EFNA5: variants seen among roughly 807,000 people sequenced by gnomAD.
The protein encoded by EFNA5 is ephrin A5, also known as ephrin-A5.
In EFNA5, 5 loss-of-function variants were observed where a neutral mutation model predicts 22.9. The ratio of observed to expected loss-of-function variants is 0.22; its 90% CI spans 0.11 to 0.46. The LOEUF (loss-of-function observed/expected upper bound fraction) is 0.46. Ranked by LOEUF, EFNA5 falls within the 20% of genes least tolerant of loss-of-function variation. The pLI is 0.99. For missense variants in EFNA5, 237 were observed against 293.3 expected (o/e 0.81, Z 1.40); for synonymous variants, 113 against 112.2 (o/e 1.01, Z -0.04).
Position 107,559,813 on chromosome 5 carries a change from C to T in EFNA5, c.125+110676G>A, listed in dbSNP as rs544171556. Among the ~76,000 whole-genome samples the T allele has an allele frequency of 1.6e-4, 24 of 152,250 alleles. No homozygotes were observed. In the South Asian group the frequency reaches 4.1e-3, roughly 26 times the overall value. On this transcript the variant is annotated intron_variant, in intron 1 of 4. Coordinates refer to ENST00000333274, the MANE Select transcript of EFNA5 (RefSeq NM_001962.3). ...TAAACATTAAAATACACACTGATGC[C>T]TCTAGAAGAGCAATTATCCTTTGGG... is the stretch of plus-strand genomic sequence containing the variant.
rs1163137461 is a variant in EFNA5 at position 107,377,067 on chromosome 5, A to C, written c.*4188T>G. ...AGCACTCGATGAGTAAGTGCAAAGG[A>C]ACTGCAAAGCAGGGCAGTACAAGCA... On this transcript the variant is annotated 3_prime_UTR_variant, in exon 5 of 5. Transcript: ENST00000333274. 2.0e-5 allele frequency: 3 copies of C among 152,046 alleles called. No homozygotes were observed. The highest frequency in any genetic ancestry group is 7.2e-5 in the African/African-American group (3 of 41,388). 9.4% of individuals were successfully genotyped at this position (152,046 alleles called of 1,614,324 possible).
chr5:107,527,900 C>G (rs1747730044), intron 1 of EFNA5, among the ~76,000 whole-genome samples: 1 of 152,134 alleles, frequency 6.6e-6, no homozygotes. Flanking sequence ...TCCTCCCCCT[C>G]AGTACATGAA....
At chr5:107,485,960 T>C (rs1227459018) in intron 1 of EFNA5, among the ~76,000 whole-genome samples, 1 of 152,176 alleles carries the variant, frequency 6.6e-6, no homozygotes, top group Non-Finnish European at 1.5e-5. Context: ...GAGCACGGCA[T>C]ATTTAGATGC....
At chr5:107,439,649 C>G (rs968655044) in intron 1 of EFNA5, among the ~76,000 whole-genome samples, 22 of 152,160 alleles carry the variant, frequency 1.4e-4, no homozygotes, top group Admixed American at 1.2e-3. Context: ...CAAATGGCTG[C>G]TCTGAGGCGA....
chr5:107,499,564 C>A (rs1580497088), intron 1 of EFNA5, among the ~76,000 whole-genome samples: 1 of 152,322 alleles, frequency 6.6e-6, no homozygotes, highest in East Asian at 1.9e-4. Flanking sequence ...CATATTGACA[C>A]TGGATTTTTT....
intron 1 of EFNA5, among the ~76,000 whole-genome samples, chr5:107,469,956 G>A (rs1409526497): frequency 1.3e-5 from 2 of 152,038 alleles, no homozygotes; most frequent in African/African-American, 4.8e-5. Context: ...AAATTAGGAG[G>A]ACATTAACAA....
At chr5:107,390,995 C>T (rs369822997) in intron 2 of EFNA5, among the ~76,000 whole-genome samples, 16 of 152,032 alleles carry the variant, frequency 1.1e-4, no homozygotes, top group Admixed American at 2.0e-4. Context: ...CCTGTCTCTA[C>T]GAAAAATGCA....
At chr5:107,476,782 T>C (rs1580478125) in intron 1 of EFNA5, among the ~76,000 whole-genome samples, 1 of 151,214 alleles carries the variant, frequency 6.6e-6, no homozygotes, top group East Asian at 1.9e-4. Context: ...CCAAACTGTG[T>C]TGTCACAGTG....
chr5:107,603,988 A>G (rs1267902565), intron 1 of EFNA5, among the ~76,000 whole-genome samples: 1 of 152,166 alleles, frequency 6.6e-6, no homozygotes, highest in African/African-American at 2.4e-5. Flanking sequence ...CTTTAGCAAA[A>G]CCATAAGGAC....
intron 1 of EFNA5, among the ~76,000 whole-genome samples, chr5:107,531,455 A>G (rs1037021570): frequency 1.3e-5 from 2 of 152,224 alleles, no homozygotes; most frequent in Admixed American, 6.5e-5. Context: ...AACTGGAGAC[A>G]TTTAGGCTGG....
chr5:107,476,058 T>TATATATATATATATATATATATATATATA, intron 1 of EFNA5, among the ~76,000 whole-genome samples: 1 of 41,114 alleles, frequency 2.4e-5, no homozygotes, highest in East Asian at 7.1e-4. Flanking sequence ...ATATATATAT[T>TATATATATATATATATATATATATATATA]TTTTTTTTTT....
At chr5:107,406,499 C>T (rs2112395948) in intron 2 of EFNA5, among the ~76,000 whole-genome samples, 1 of 151,578 alleles carries the variant, frequency 6.6e-6, no homozygotes, top group South Asian at 2.1e-4. Flanking sequence ...TTCTTTAGGT[C>T]CCTCCTCCAA....
intron 1 of EFNA5, among the ~76,000 whole-genome samples, chr5:107,452,287 C>A (rs1749580783): frequency 6.6e-6 from 1 of 151,940 alleles, no homozygotes; most frequent in Non-Finnish European, 1.5e-5. Context: ...CACACGTATA[C>A]CTATGTGACA....
chr5:107,487,618 G>T (rs910493494), intron 1 of EFNA5, among the ~76,000 whole-genome samples: 3 of 152,164 alleles, frequency 2.0e-5, no homozygotes, highest in East Asian at 1.9e-4. Flanking sequence ...CAAAGAATGA[G>T]AATTTTTCAC....
intron 1 of EFNA5, among the ~76,000 whole-genome samples, chr5:107,475,202 G>A (rs564947899): frequency 6.6e-4 from 101 of 152,268 alleles, no homozygotes; most frequent in African/African-American, 2.3e-3. Flanking sequence ...TAAGTTATAC[G>A]ATATTAAATG....
At chr5:107,623,178 G>C (rs1047374753) in intron 1 of EFNA5, among the ~76,000 whole-genome samples, 5 of 151,958 alleles carry the variant, frequency 3.3e-5, no homozygotes, top group African/African-American at 1.2e-4. Context: ...AGAGGTACCA[G>C]TGAAGATGCT....
chr5:107,498,096 A>G (rs62355577), intron 1 of EFNA5, among the ~76,000 whole-genome samples: 15,812 of 152,006 alleles, frequency 0.1, 862 homozygotes, highest in East Asian at 0.18. Context: ...TTGTATTTTT[A>G]GTAGAGACGG....
chr5:107,534,077 T>G (rs1467056590), intron 1 of EFNA5, among the ~76,000 whole-genome samples: 1 of 152,204 alleles, frequency 6.6e-6, no homozygotes, highest in Non-Finnish European at 1.5e-5. Flanking sequence ...TCAAATAACA[T>G]TTAATTGCTG....
intron 1 of EFNA5, among the ~76,000 whole-genome samples, chr5:107,653,932 G>A (rs1750779807): frequency 6.6e-6 from 1 of 152,116 alleles, no homozygotes; most frequent in African/African-American, 2.4e-5. Context: ...TCTAGGTGAA[G>A]TTAACCCAAA....
Sources: allele counts gnomAD v4.1 joint callset (sites outside exome capture counted in the v4.1 genomes callset), GRCh38; gene constraint gnomAD v4.1.1; transcripts MANE v1.5; gene names NCBI Gene and HGNC (gene_info 2026-07-23, HGNC 2026-07-21).